The following MLLT10 variants were observed in gnomAD, a reference collection of about 807,000 sequenced individuals.
The protein encoded by MLLT10 is MLLT10 histone lysine methyltransferase DOT1L cofactor, also known as protein AF-10.
In MLLT10, 30 loss-of-function variants were observed where a neutral mutation model predicts 129.1. The observed-to-expected ratio is 0.23, with a 90% CI of 0.17 to 0.32. The LOEUF (loss-of-function observed/expected upper bound fraction) is 0.32, where lower values mean the gene tolerates loss of function less well. Ranked by LOEUF, MLLT10 falls within the 10% of genes least tolerant of loss-of-function variation. The pLI, the probability that MLLT10 is intolerant of heterozygous loss-of-function variation, is 1.00. For synonymous variants in MLLT10, 490 were observed against 446.4 expected, an observed-to-expected ratio of 1.10 and a Z score of -1.23; for missense variants, 1,119 against 1,268.3, an observed-to-expected ratio of 0.88 and a Z score of 1.79.
In MLLT10 at chr10:21,562,713, T is replaced by C. The variant is rs114379946; in HGVS notation, c.241-23581T>C. Among the ~76,000 whole-genome samples the C allele has an allele frequency of 2.9e-3, 444 of 152,096 alleles. 3 individuals carry two copies. The highest frequency in any genetic ancestry group is 9.9e-3 in the African/African-American group (410 of 41,470). ...TCCAAGAACGTGAAATGTCTTTCCA[T>C]TTATTTATATTGTCTTCAGTTTATT... On this transcript the variant is annotated intron_variant, in intron 3 of 22. Coordinates refer to ENST00000307729, the MANE Select transcript of MLLT10 (RefSeq NM_001195626.3).
At chr10:21,593,250 G>T (rs767435706) in intron 4 of MLLT10, among the ~76,000 whole-genome samples, 1 of 151,862 alleles carries the variant, frequency 6.6e-6, no homozygotes, top group Non-Finnish European at 1.5e-5. Context: ...GCATGCTGCC[G>T]CACCTGACTC....
At chr10:21,731,445 T>TG (rs1316098879) in intron 17 of MLLT10, among the ~76,000 whole-genome samples, 1 of 152,172 alleles carries the variant, frequency 6.6e-6, no homozygotes, top group Non-Finnish European at 1.5e-5. Context: ...TGATTATACA[T>TG]ATTGGTACTT....
chr10:21,735,635 T>A (rs2058304295), intron 21 of MLLT10, among the ~76,000 whole-genome samples: 2 of 152,194 alleles, frequency 1.3e-5, no homozygotes, highest in Non-Finnish European at 1.5e-5. Flanking sequence ...TGGCCCCGCC[T>A]CTGCAAGGGG....
intron 11 of MLLT10, among the ~76,000 whole-genome samples, chr10:21,676,697 G>A (rs2052172116): frequency 9.0e-6 from 1 of 111,488 alleles, no homozygotes; most frequent in African/African-American, 3.6e-5. Flanking sequence ...CTCCAGCCTG[G>A]GAGACAGAGC....
chr10:21,714,265 G>A (rs1418053972), intron 14 of MLLT10, among the ~76,000 whole-genome samples: 1 of 151,996 alleles, frequency 6.6e-6, no homozygotes, highest in East Asian at 1.9e-4. Context: ...ATATGAGCAA[G>A]TTTTGGACTC....
chr10:21,616,012 T>G (rs1346423403), intron 7 of MLLT10, among the ~76,000 whole-genome samples: 1 of 152,144 alleles, frequency 6.6e-6, no homozygotes, highest in Non-Finnish European at 1.5e-5. Flanking sequence ...TGGGGCTATT[T>G]CTTTTGAAAA....
At chr10:21,711,092 A>C (rs2056036360) in intron 13 of MLLT10, among the ~76,000 whole-genome samples, 1 of 152,022 alleles carries the variant, frequency 6.6e-6, no homozygotes, top group African/African-American at 2.4e-5. Context: ...TTCTTCCTCA[A>C]ACCGTCCTTC....
intron 3 of MLLT10, among the ~76,000 whole-genome samples, chr10:21,550,330 T>G (rs1248299627): frequency 6.6e-6 from 1 of 152,176 alleles, no homozygotes; most frequent in African/African-American, 2.4e-5. Flanking sequence ...CTAGTCTTAG[T>G]AGTCCAGCAC....
intron 13 of MLLT10, among the ~76,000 whole-genome samples, chr10:21,692,403 C>CA (rs1313994879): frequency 3.3e-5 from 5 of 152,148 alleles, no homozygotes; most frequent in Non-Finnish European, 5.9e-5. Context: ...TCCCTGGCCT[C>CA]ACGTGATCCT....
At chr10:21,548,780 G>A (rs2036506685) in intron 3 of MLLT10, among the ~76,000 whole-genome samples, 1 of 151,920 alleles carries the variant, frequency 6.6e-6, no homozygotes, top group South Asian at 2.1e-4. Context: ...TAGAATTTTT[G>A]TGTGATTTTA....
chr10:21,732,565 A>G (rs568132545), intron 17 of MLLT10, among the ~76,000 whole-genome samples: 6 of 152,368 alleles, frequency 3.9e-5, no homozygotes, highest in East Asian at 3.9e-4. Context: ...TGAATTTTTA[A>G]TAGGCTTTTA....
chr10:21,678,304 C>T (rs977246963), intron 11 of MLLT10, among the ~76,000 whole-genome samples: 2 of 152,088 alleles, frequency 1.3e-5, no homozygotes, highest in African/African-American at 4.8e-5. Flanking sequence ...AGGGTTTCAC[C>T]ATGTTGGCCA....
chr10:21,578,229 G>A (rs771898444), intron 3 of MLLT10, among the ~76,000 whole-genome samples: 5 of 152,152 alleles, frequency 3.3e-5, no homozygotes, highest in African/African-American at 9.7e-5. Context: ...GATTAATGAC[G>A]TTAAGCATCT....
intron 14 of MLLT10, 125 bp from the exon 15 acceptor site, chr10:21,726,119 A>T (rs1185957403): frequency 3.1e-6 from 2 of 655,668 alleles, no homozygotes; most frequent in Non-Finnish European, 5.0e-6. Flanking sequence ...TTTGCTTTTC[A>T]GAAGGTCACA....
chr10:21,572,525 C>T (rs1589013191), intron 3 of MLLT10, among the ~76,000 whole-genome samples: 1 of 152,100 alleles, frequency 6.6e-6, no homozygotes, highest in Non-Finnish European at 1.5e-5. Flanking sequence ...TATAGTATAT[C>T]TCTCCATTTA....
chr10:21,563,970 G>T (rs1369539990), intron 3 of MLLT10, among the ~76,000 whole-genome samples: 1 of 151,808 alleles, frequency 6.6e-6, no homozygotes, highest in Non-Finnish European at 1.5e-5. Context: ...CTGCCACCAC[G>T]ACTGGCTAAT....
At chr10:21,697,592 A>G (rs1426661423) in intron 13 of MLLT10, among the ~76,000 whole-genome samples, 1 of 152,248 alleles carries the variant, frequency 6.6e-6, no homozygotes, top group Non-Finnish European at 1.5e-5. Context: ...ATGAGTAAAA[A>G]TGTTCATCTT....
At chr10:21,628,886 C>G (rs1208163568) in intron 8 of MLLT10, among the ~76,000 whole-genome samples, 2 of 151,650 alleles carry the variant, frequency 1.3e-5, no homozygotes, top group African/African-American at 4.9e-5. Context: ...TTAGCTGGGA[C>G]TACAGGTGTG....
At chr10:21,736,899 G>C (rs1339627738) in intron 21 of MLLT10, among the ~76,000 whole-genome samples, 1 of 152,162 alleles carries the variant, frequency 6.6e-6, no homozygotes, top group Non-Finnish European at 1.5e-5. Flanking sequence ...CATGAAGACT[G>C]AGTCCTGGAC....
Sources: gnomAD v4.1 joint callset for allele counts (sites outside exome capture counted in the v4.1 genomes callset) on GRCh38, gnomAD v4.1.1 for gene constraint, MANE v1.5 for transcripts, NCBI Gene and HGNC (gene_info 2026-07-23, HGNC 2026-07-21) for gene names.